The following HERC4 variants were observed in gnomAD, a reference collection of about 807,000 sequenced individuals.
HERC4 encodes the protein probable E3 ubiquitin-protein ligase HERC4.
In HERC4, 28 loss-of-function variants were observed where a neutral mutation model predicts 124.3. The observed-to-expected ratio is 0.23, with a 90% CI of 0.17 to 0.31. HERC4 has a LOEUF of 0.31. Ranked by LOEUF, HERC4 falls within the 10% of genes least tolerant of loss-of-function variation. HERC4 has a pLI of 1.00. For synonymous variants in HERC4, 407 were observed against 421.5 expected, an observed-to-expected ratio of 0.97 and a Z score of 0.42; for missense variants, 713 against 1,229.3, an observed-to-expected ratio of 0.58 and a Z score of 6.28.
chr10:68,060,906 C>T (rs887901416), intron 3 of HERC4, among the ~76,000 whole-genome samples: 2 of 151,890 alleles, frequency 1.3e-5, no homozygotes, highest in African/African-American at 2.4e-5. Context: ...ACTTTATCCT[C>T]GTTATGCCAT....
chr10:68,064,768 T>G (rs1374675241), intron 3 of HERC4, among the ~76,000 whole-genome samples: 1 of 151,698 alleles, frequency 6.6e-6, no homozygotes, highest in African/African-American at 2.4e-5. Flanking sequence ...GTCAGGAGTT[T>G]GAGACCACCC....
chr10:68,051,906 C>G (rs568389087), intron 3 of HERC4, among the ~76,000 whole-genome samples: 2 of 144,536 alleles, frequency 1.4e-5, no homozygotes, highest in East Asian at 4.2e-4. Flanking sequence ...TGAGCTCAAG[C>G]AACACGCCCG....
intron 3 of HERC4, among the ~76,000 whole-genome samples, chr10:68,066,228 CT>C (rs1401635340): frequency 2.0e-5 from 3 of 152,086 alleles, no homozygotes; most frequent in Admixed American, 2.0e-4. Context: ...AAATACATGC[CT>C]TTGTGAGAAA....
intron 17 of HERC4, 135 bp downstream of exon 17, chr10:67,956,743 C>T: frequency 2.1e-6 from 1 of 473,816 alleles, no homozygotes; most frequent in Admixed American, 3.7e-5. Context: ...ATATCACATG[C>T]AGCAGTCTTC....
intron 3 of HERC4, chr10:68,069,783 C>A (rs1158986245): frequency 1.1e-5 from 11 of 983,156 alleles, no homozygotes; most frequent in Non-Finnish European, 1.3e-5. Context: ...TGGCTCACGC[C>A]TGTAATCCCA....
intron 5 of HERC4, among the ~76,000 whole-genome samples, chr10:68,034,421 A>C (rs1377302943): frequency 6.6e-6 from 1 of 152,218 alleles, no homozygotes; most frequent in Non-Finnish European, 1.5e-5. Flanking sequence ...TTGACTACAC[A>C]GATGAACCGG....
intron 9 of HERC4, chr10:68,007,641 G>A (rs974676299): frequency 6.6e-6 from 1 of 151,840 alleles, no homozygotes; most frequent in African/African-American, 2.4e-5. Flanking sequence ...TGAGTGTAAT[G>A]ATCTCAATTC....
chr10:68,051,162 T>C (rs2133594212), intron 3 of HERC4, among the ~76,000 whole-genome samples: 1 of 149,172 alleles, frequency 6.7e-6, no homozygotes, highest in African/African-American at 2.5e-5. Flanking sequence ...AACTATTGAA[T>C]CCTTTGATAA....
Position 68,025,534 on chromosome 10 carries a change from A to G in HERC4, c.908+12T>C, listed in dbSNP as rs757467582. The stretch of plus-strand genomic sequence containing the variant: ...TTTAGAGACCAAAATGCTCTTTTAC[A>G]TAACACCTTACCGTCCACAAGCAAT... On this transcript the variant is annotated intron_variant, in intron 8 of 24. Transcript: ENST00000373700. 170 of 1,609,990 alleles carry G rather than the reference A, an allele frequency of 1.1e-4. No individual in the cohort carries two copies. The highest frequency in any genetic ancestry group is 1.4e-4 in the Non-Finnish European group (160 of 1,178,082).
intron 19 of HERC4, among the ~76,000 whole-genome samples, chr10:67,953,373 A>C (rs1406996997): frequency 6.6e-6 from 1 of 152,332 alleles, no homozygotes; most frequent in East Asian, 1.9e-4. Flanking sequence ...AAGAACTGAA[A>C]AACAATTTAA....
At chr10:68,059,509 T>TATTATATATTATAAC (rs2040749465) in intron 3 of HERC4, among the ~76,000 whole-genome samples, 2 of 93,170 alleles carry the variant, frequency 2.1e-5, no homozygotes, top group Admixed American at 1.3e-4. Context: ...TATATTATAA[T>TATTATATATTATAAC]ATTATATATC....
At chr10:68,033,229 A>G (rs1354074959) in intron 6 of HERC4, among the ~76,000 whole-genome samples, 3 of 152,208 alleles carry the variant, frequency 2.0e-5, no homozygotes, top group Non-Finnish European at 4.4e-5. Flanking sequence ...GCCTGGAAAA[A>G]AAAATGTACT....
chr10:67,941,525 C>T (rs961824792), intron 19 of HERC4, among the ~76,000 whole-genome samples: 4 of 151,958 alleles, frequency 2.6e-5, no homozygotes, highest in African/African-American at 7.2e-5. Flanking sequence ...AAACCAATCA[C>T]TCAGGAATAA....
chr10:67,980,108 G>A (rs944257216), intron 15 of HERC4, among the ~76,000 whole-genome samples: 1 of 152,086 alleles, frequency 6.6e-6, no homozygotes, highest in East Asian at 1.9e-4. Context: ...CTTCAAACAT[G>A]AAAGATAAAT....
Position 67,990,197 on chromosome 10 carries a change from A to ATT in HERC4, c.1633+12_1633+13dup, listed in dbSNP as rs2036476604. On this transcript the variant is annotated intron_variant, in intron 14 of 24. Transcript: ENST00000373700. ...GAGAAAAGGTTTCAAAAGAAAAAAT[A>ATT]TTAGAATTCTTACCAAGTACTTTCA... The ATT allele has an allele frequency of 1.9e-6, 3 of 1,573,250 alleles. No individual in the cohort carries two copies. The highest frequency in any genetic ancestry group is 2.6e-6 in the Non-Finnish European group (3 of 1,163,028).
At position 68,075,145 on chromosome 10, in the gene HERC4, G is replaced by C. The variant is rs2041751222; in HGVS notation, c.-110C>G. 6.5e-6 allele frequency: 1 copy of C among 152,892 alleles called. No homozygotes were observed. The highest frequency in any genetic ancestry group is 2.4e-5 in the African/African-American group (1 of 41,448). 9.5% of individuals were successfully genotyped at this position (152,892 alleles called of 1,614,324 possible). A position where few individuals can be genotyped will look rare whatever the true frequency, so the allele number is the denominator to read the frequency against. The stretch of plus-strand genomic sequence containing the variant: ...TCCCCGGCCCCTGGGAAACTTTACC[G>C]GGTTCCTTAGAGAAAAGCGGACGCC... On this transcript the variant is annotated splice_region_variant and 5_prime_UTR_variant, in exon 1 of 25. Transcript: ENST00000373700.
chr10:67,975,942 T>C (rs878949882), intron 15 of HERC4, among the ~76,000 whole-genome samples: 1 of 151,762 alleles, frequency 6.6e-6, no homozygotes, highest in African/African-American at 2.4e-5. Flanking sequence ...AGTTTACATA[T>C]GGAGACCAAA....
At chr10:67,979,563 T>C (rs538682727) in intron 15 of HERC4, among the ~76,000 whole-genome samples, 2 of 151,924 alleles carry the variant, frequency 1.3e-5, no homozygotes, top group Admixed American at 1.3e-4. Context: ...TTCCCAAACA[T>C]AGAAAAAGAT....
intron 7 of HERC4, among the ~76,000 whole-genome samples, chr10:68,027,971 ATATT>A (rs1049890456): frequency 6.9e-5 from 10 of 144,472 alleles, no homozygotes; most frequent in African/African-American, 1.3e-4. Flanking sequence ...TATTATATAT[ATATT>A]TATTATATTT....
Sources: allele counts gnomAD v4.1 joint callset (sites outside exome capture counted in the v4.1 genomes callset), GRCh38; gene constraint gnomAD v4.1.1; transcripts MANE v1.5; gene names NCBI Gene and HGNC (gene_info 2026-07-23, HGNC 2026-07-21).